SSC5D: variants seen among roughly 807,000 people sequenced by gnomAD.
SSC5D encodes scavenger receptor cysteine rich family member with 5 domains, also known as soluble scavenger receptor cysteine-rich domain-containing protein SSC5D.
In SSC5D, 106 loss-of-function variants were observed where a neutral mutation model predicts 104.6. The ratio of observed to expected loss-of-function variants is 1.01; its 90% CI spans 0.87 to 1.19. SSC5D has a LOEUF of 1.19. SSC5D is among the 50% of genes most tolerant of loss of function. The pLI, the probability that SSC5D is intolerant of heterozygous loss-of-function variation, is 0.00. For missense variants in SSC5D, 1,993 were observed against 2,153.8 expected (o/e 0.93, Z 1.48); for synonymous variants, 860 against 883.5 (o/e 0.97, Z 0.47).
chr19:55,495,234 T>TATATATATATA (rs56232242), intron 8 of SSC5D, among the ~76,000 whole-genome samples: 236 of 22,136 alleles, frequency 0.011, 17 homozygotes, highest in African/African-American at 0.018. Context: ...TATATATATA[T>TATATATATATA]TTTTTTTTTT....
chr19:55,500,835 G>A lies in SSC5D; in HGVS notation c.2617+31G>A, dbSNP rs1268477341. 6.5e-7 allele frequency: 1 copy of A among 1,533,206 alleles called. No individual in the cohort carries two copies. The highest frequency in any genetic ancestry group is 1.2e-5 in the South Asian group (1 of 81,688). 95.0% of individuals were successfully genotyped at this position (1,533,206 alleles called of 1,614,324 possible). On this transcript the variant is annotated intron_variant, in intron 11 of 13. Coordinates refer to ENST00000389623, the MANE Select transcript of SSC5D (RefSeq NM_001144950.2). The surrounding 1 kb of genome is among the most constrained non-coding windows in gnomAD (Gnocchi z 4.6). ...AGGGCATGGCGGCGGTGGTGGGGTTGTCGGGGGTGGCCAGGAGAATGGAGT... is the reference window on the plus strand; with the variant it reads ...AGGGCATGGCGGCGGTGGTGGGGTTATCGGGGGTGGCCAGGAGAATGGAGT...
At chr19:55,495,561 T>G (rs1363273350) in intron 8 of SSC5D, among the ~76,000 whole-genome samples, 2 of 151,170 alleles carry the variant, frequency 1.3e-5, no homozygotes, top group Non-Finnish European at 3.0e-5. Context: ...AGGACTGTTG[T>G]TTTAAAATAT....
At chr19:55,490,108 C>A in intron 4 of SSC5D, 113 bp downstream of exon 4, 1 of 659,126 alleles carries the variant, frequency 1.5e-6, no homozygotes, top group Non-Finnish European at 2.6e-6. Flanking sequence ...CTGCCCCCAC[C>A]GAGGGGAGAG....
chr19:55,489,841 C>T, intron 3 of SSC5D, 41 bp from the exon 4 acceptor site: 1 of 1,528,928 alleles, frequency 6.5e-7, no homozygotes, highest in African/African-American at 1.4e-5. Flanking sequence ...CTGGATTCCC[C>T]TCCTCTCCTC....
rs1376063315 is a variant in SSC5D at position 55,490,954 on chromosome 19, G to C, written c.769G>C (p.Ala257Pro). The part of the protein sequence containing the change: ...APGGARFGPG[A>P]GPVWMDDVGC... ...CGGCGGTGCCAGATTCGGGCCTGGTGCAGGGCCCGTGTGGATGGACGATGT... is the reference window on the plus strand; with the variant it reads ...CGGCGGTGCCAGATTCGGGCCTGGTCCAGGGCCCGTGTGGATGGACGATGT... The change falls in exon 6 of 14, where the codon GCA becomes CCA. Residue 257 changes from alanine (A) to proline (P), a missense_variant. This residue lies in a region of SSC5D where 1,101 missense variants were observed against 1,085.0 expected (regional missense o/e 1.01). Transcript: ENST00000389623. The C allele has an allele frequency of 6.5e-7, 1 of 1,546,284 alleles. No homozygotes were observed. The highest frequency in any genetic ancestry group is 1.2e-5 in the South Asian group (1 of 83,548).
At position 55,504,192 on chromosome 19, in the gene SSC5D, A is replaced by G. The variant is rs1249729744; in HGVS notation, c.2785+2991A>G. 4.6e-6 allele frequency: 7 copies of G among 1,533,474 alleles called. No homozygotes were observed. The East Asian group carries it at 1.5e-4, about 32-fold the overall frequency. 95.0% of individuals were successfully genotyped at this position (1,533,474 alleles called of 1,614,324 possible). ...GGGTTGCAGCGCCTCCCTAGCCCAT[A>G]GCGCCCCCTCGTGGTGGAGGCGGGC... is the stretch of plus-strand genomic sequence containing the variant. On this transcript the variant is annotated intron_variant, in intron 12 of 13. Transcript: ENST00000389623.
Position 55,497,989 on chromosome 19 carries a change from G to GGGGTCTGCCGTGTGGGAC in SSC5D, c.1498_1499insGGTCTGCCGTGTGGGACG (p.Arg499_Asp500insGlySerAlaValTrpAsp). On this transcript the variant is annotated inframe_insertion, in exon 9 of 14. Transcript: ENST00000389623. ...TGTGTGACGATAGCTGGGACATGCGGGATTCAGCTGTGGTCTGCCGGGAGC... is the reference window on the plus strand; with the variant it reads ...TGTGTGACGATAGCTGGGACATGCGGGGGTCTGCCGTGTGGGACGATTCAGCTGTGGTCTGCCGGGAGC... 1 of 1,551,834 alleles carries GGGGTCTGCCGTGTGGGAC rather than the reference G, an allele frequency of 6.4e-7. No homozygotes were observed. Among genetic ancestry groups the GGGGTCTGCCGTGTGGGAC allele is most frequent in the Non-Finnish European group, 8.7e-7 (1 of 1,147,030 alleles).
intron 12 of SSC5D, among the ~76,000 whole-genome samples, chr19:55,502,392 C>A (rs1568480742): frequency 6.6e-6 from 1 of 151,816 alleles, no homozygotes. Flanking sequence ...ATATTCCCAT[C>A]ATTTCTTTTT....
At position 55,488,450 on chromosome 19, in the gene SSC5D, G is replaced by C. The variant is rs1033582533; in HGVS notation, c.-140G>C. ...GCCTCTTTCTTCCTCCTGGCAAAGC[G>C]TCCAGCCCTGCCTGCTCCTCCTCGG... On this transcript the variant is annotated 5_prime_UTR_variant, in exon 1 of 14. Transcript: ENST00000389623. 3 of 541,138 alleles carry C rather than the reference G, an allele frequency of 5.5e-6. No individual in the cohort carries two copies. The highest frequency in any genetic ancestry group is 4.7e-4 in the Middle Eastern group (1 of 2,108). The allele number at this position is 541,138 out of a possible 1,614,324, so 33.5% of individuals were successfully genotyped here.
At chr19:55,489,316 T>C in intron 2 of SSC5D, 38 bp from the exon 3 acceptor site, 1 of 1,421,248 alleles carries the variant, frequency 7.0e-7, no homozygotes, top group Non-Finnish European at 9.1e-7. Flanking sequence ...GCCCCCAGGA[T>C]GCCCCTCCCC....
At chr19:55,502,978 G>T (rs1987545267) in intron 12 of SSC5D, among the ~76,000 whole-genome samples, 1 of 152,178 alleles carries the variant, frequency 6.6e-6, no homozygotes, top group South Asian at 2.1e-4. Flanking sequence ...ACCACTCCCG[G>T]CTAATTTTTG....
At position 55,493,993 on chromosome 19, in the gene SSC5D, G is replaced by GGGGGGGGGT; in HGVS notation, c.1213+82_1213+83insGGGGGGGTG. 8.1e-6 allele frequency: 2 copies of GGGGGGGGGT among 247,914 alleles called. 1 individual carries two copies. The allele number at this position is 247,914 out of a possible 1,614,324, so 15.4% of individuals were successfully genotyped here. ...GGGGCAAGTTCGGCGGGGGCGGGGGGGTCCCTACGCGCCCTTCCTGCCCTC... is the reference window on the plus strand; with the variant it reads ...GGGGCAAGTTCGGCGGGGGCGGGGGGGGGGGGGGTGTCCCTACGCGCCCTTCCTGCCCTC... On this transcript the variant is annotated intron_variant, in intron 7 of 13. Coordinates refer to ENST00000389623, the MANE Select transcript of SSC5D (RefSeq NM_001144950.2).
rs974352077 is a variant in SSC5D, at chr19:55,504,417, A to G, written c.2785+3216A>G. 3.2e-5 allele frequency: 36 copies of G among 1,116,474 alleles called. 1 individual carries two copies. The highest frequency in any genetic ancestry group is 4.0e-5 in the Non-Finnish European group (34 of 856,462). The allele number at this position is 1,116,474 out of a possible 1,614,324, so 69.2% of individuals were successfully genotyped here. A position where few individuals can be genotyped will look rare whatever the true frequency, so the allele number is the denominator to read the frequency against. ...GGGTGGAGTGGGAGACGAGGCAGGC[A>G]TGCATTCTTAGCTTCAGGAGCAATG... On this transcript the variant is annotated intron_variant, in intron 12 of 13. Transcript: ENST00000389623.
rs758911118 is a variant in SSC5D at position 55,504,171 on chromosome 19, T to C, written c.2785+2970T>C. ...CTCCTCGTTCAAGGACTGCCAGGGT[T>C]GCAGCGCCTCCCTAGCCCATAGCGC... On this transcript the variant is annotated intron_variant, in intron 12 of 13. Transcript: ENST00000389623. 7 of 1,535,650 alleles carry C rather than the reference T, an allele frequency of 4.6e-6. No individual in the cohort carries two copies. In the South Asian group the frequency reaches 7.1e-5, roughly 16 times the overall value.
At chr19:55,504,021 TG>T in intron 12 of SSC5D, 2 of 1,205,972 alleles carry the variant, frequency 1.7e-6, no homozygotes, top group Non-Finnish European at 2.3e-6. Context: ...GGCCTTGAGG[TG>T]GGGAAAGGGA....
Position 55,517,677 on chromosome 19 carries a change from G to A in SSC5D, c.3401G>A (p.Ser1134Asn). ...TPDLDTTPYS[S>N]TVSEYSRSPD... The stretch of plus-strand genomic sequence containing the variant: ...GATTTGGACACAACTCCATACTCCA[G>A]TACAGTCTCAGAATATTCTAGATCC... The change falls in exon 14 of 14, where the codon AGT (serine) becomes AAT (asparagine). Residue 1134 changes from serine (S) to asparagine (N), a missense_variant. Ser to Asn is a conservative substitution (Grantham distance 46). This residue lies in a region of SSC5D where 423 missense variants were observed against 409.2 expected (regional missense o/e 1.03). Coordinates refer to ENST00000389623, the MANE Select transcript of SSC5D (RefSeq NM_001144950.2). 1 of 1,551,382 alleles carries A rather than the reference G, an allele frequency of 6.4e-7. No individual in the cohort carries two copies. Among genetic ancestry groups the A allele is most frequent in the African/African-American group, 1.4e-5 (1 of 72,842 alleles).
chr19:55,517,741 T>C lies in SSC5D; in HGVS notation c.3465T>C (p.Pro1155=), dbSNP rs1599931852. Residue 1155 remains proline (P), a synonymous_variant, in exon 14 of 14, where the codon CCT becomes CCC. Coordinates refer to ENST00000389623, the MANE Select transcript of SSC5D (RefSeq NM_001144950.2). ...CAAGCCCTCACCCCACTACTACCCCTGATCCCACCATGGCCCCTGACCCCA... is the reference window on the plus strand; with the variant it reads ...CAAGCCCTCACCCCACTACTACCCCCGATCCCACCATGGCCCCTGACCCCA... The part of the protein sequence containing the change: ...PSPSPHPTTT[P]DPTMAPDPIT... 2 of 1,040,622 alleles carry C rather than the reference T, an allele frequency of 1.9e-6. No individual in the cohort carries two copies. The highest frequency in any genetic ancestry group is 1.4e-5 in the South Asian group (1 of 73,722). The allele number at this position is 1,040,622 out of a possible 1,614,324, so 64.5% of individuals were successfully genotyped here.
intron 2 of SSC5D, 63 bp downstream of exon 2, chr19:55,489,095 C>A: frequency 1.0e-6 from 1 of 999,696 alleles, no homozygotes; most frequent in Non-Finnish European, 1.4e-6. Flanking sequence ...TTCTGCCCAT[C>A]CAGGCCTGGC....
intron 12 of SSC5D, among the ~76,000 whole-genome samples, chr19:55,502,391 T>C (rs1432307201): frequency 2.0e-5 from 3 of 152,082 alleles, no homozygotes; most frequent in African/African-American, 7.2e-5. Flanking sequence ...CATATTCCCA[T>C]CATTTCTTTT....
Sources: allele counts gnomAD v4.1 joint callset (sites outside exome capture counted in the v4.1 genomes callset), GRCh38; gene constraint gnomAD v4.1.1; regional missense constraint gnomAD v4.1.1; non-coding constraint Gnocchi (gnomAD v3.1); transcripts MANE v1.5; gene names NCBI Gene and HGNC (gene_info 2026-07-23, HGNC 2026-07-21).